TTBK2: variants seen among roughly 807,000 people sequenced by gnomAD.
The protein encoded by TTBK2 is tau tubulin kinase 2.
In TTBK2, 28 loss-of-function variants were observed where a neutral mutation model predicts 110.8. The ratio of observed to expected loss-of-function variants is 0.25; its 90% CI spans 0.19 to 0.35. The LOEUF (loss-of-function observed/expected upper bound fraction) is 0.35. Among genes scored for constraint, TTBK2 ranks in the 10% least tolerant of loss-of-function variants. The probability of loss-of-function intolerance (pLI) is 1.00; values close to 1 mark genes in which losing one functional copy is unlikely to be tolerated. For missense variants in TTBK2, 1,369 were observed against 1,500.3 expected, an observed-to-expected ratio of 0.91 and a Z score of 1.45; for synonymous variants, 532 against 527.3, an observed-to-expected ratio of 1.01 and a Z score of -0.12.
chr15:42,765,815 G>T (rs777801565), intron 13 of TTBK2, among the ~76,000 whole-genome samples: 6 of 152,120 alleles, frequency 3.9e-5, no homozygotes, highest in Non-Finnish European at 7.3e-5. Flanking sequence ...ACACAAAATT[G>T]TCAGATTCAC....
chr15:42,884,096 A>C (rs1895153657), intron 1 of TTBK2, among the ~76,000 whole-genome samples: 1 of 152,170 alleles, frequency 6.6e-6, no homozygotes, highest in East Asian at 1.9e-4. Flanking sequence ...CCTTAAAAAG[A>C]CCATCAAAAC....
chr15:42,829,663 T>C (rs1201114912), intron 5 of TTBK2, among the ~76,000 whole-genome samples: 2 of 152,184 alleles, frequency 1.3e-5, no homozygotes, highest in Non-Finnish European at 2.9e-5. Flanking sequence ...GCCTCCTGAG[T>C]AGCTGGGACT....
At chr15:42,801,207 T>G (rs1171149118) in intron 9 of TTBK2, 1 of 1,472,486 alleles carries the variant, frequency 6.8e-7, no homozygotes, top group Non-Finnish European at 9.3e-7. Context: ...CATCCCAGAC[T>G]CCAGCCAGCT....
chr15:42,745,886 C>T lies in TTBK2; in HGVS notation c.3644G>A (p.Gly1215Asp). 1 of 1,614,074 alleles carries T rather than the reference C, an allele frequency of 6.2e-7. No individual in the cohort carries two copies. Among genetic ancestry groups the T allele is most frequent in the Non-Finnish European group, 8.5e-7 (1 of 1,180,026 alleles). Reference protein sequence around the residue: ...QQEHCKPSKNGLKGSGSLHHH... With the variant: ...QQEHCKPSKNDLKGSGSLHHH... The stretch of plus-strand genomic sequence containing the variant: ...GTGGAGGCTGCCGGATCCTTTCAGG[C>T]CATTCTTGCTGGGTTTGCAATGCTC... Residue 1215 changes from glycine to aspartate, a missense_variant, in exon 15 of 15, where the codon GGC becomes GAC. Gly to Asp is a moderately conservative substitution (Grantham distance 94). Coordinates refer to ENST00000267890, the MANE Select transcript of TTBK2 (RefSeq NM_173500.4).
At chr15:42,847,048 T>A (rs1457896811) in intron 3 of TTBK2, among the ~76,000 whole-genome samples, 1 of 152,138 alleles carries the variant, frequency 6.6e-6, no homozygotes, top group Non-Finnish European at 1.5e-5. Flanking sequence ...TTCCCTGAGT[T>A]CTGTGAGCCA....
intron 2 of TTBK2, among the ~76,000 whole-genome samples, chr15:42,873,785 A>T (rs963128979): frequency 2.0e-5 from 3 of 152,174 alleles, no homozygotes; most frequent in Middle Eastern, 3.4e-3. Flanking sequence ...AGATACAGCA[A>T]TTTTTTTCCA....
At chr15:42,794,104 G>GAAAAAAAAAAAAAAA (rs34009486) in intron 10 of TTBK2, among the ~76,000 whole-genome samples, 1 of 87,218 alleles carries the variant, frequency 1.1e-5, no homozygotes, top group Non-Finnish European at 2.4e-5. Flanking sequence ...TAAAAAATTA[G>GAAAAAAAAAAAAAAA]AAAAAAAAAA....
At chr15:42,892,728 A>C (rs927539071) in intron 1 of TTBK2, among the ~76,000 whole-genome samples, 1 of 129,320 alleles carries the variant, frequency 7.7e-6, no homozygotes, top group African/African-American at 3.0e-5. Context: ...AAAAAAAAAA[A>C]GCCGGGCACG....
At chr15:42,797,788 G>A (rs1458358103) in intron 9 of TTBK2, among the ~76,000 whole-genome samples, 3 of 152,088 alleles carry the variant, frequency 2.0e-5, no homozygotes, top group Non-Finnish European at 4.4e-5. Context: ...TACAGTATAT[G>A]TAGTGTGTGA....
chr15:42,825,976 T>G (rs1343974273), intron 6 of TTBK2, among the ~76,000 whole-genome samples: 1 of 152,124 alleles, frequency 6.6e-6, no homozygotes, highest in Non-Finnish European at 1.5e-5. Context: ...TGTTTTGTTA[T>G]TCTTCCTTAA....
chr15:42,845,002 G>A (rs142882081), intron 3 of TTBK2, among the ~76,000 whole-genome samples: 176 of 152,236 alleles, frequency 1.2e-3, no homozygotes, highest in African/African-American at 4.0e-3. Context: ...AAGTAATACA[G>A]TATGAGTTCT....
At chr15:42,817,234 C>A in intron 6 of TTBK2, 137 bp from the exon 7 acceptor site, 3 of 453,460 alleles carry the variant, frequency 6.6e-6, no homozygotes, top group Non-Finnish European at 1.1e-5. Flanking sequence ...TAACTTTTAA[C>A]TATGAAATTA....
At position 42,794,547 on chromosome 15, in the gene TTBK2, T is replaced by TA. The variant is rs1437397733; in HGVS notation, c.980+96dup. Reference sequence around the variant, plus strand: ...GATCCACAGGCTTTCCCGGATGTCTTAGCATTTGGTCATCTGAGGGAATCT... The same window carrying TA: ...GATCCACAGGCTTTCCCGGATGTCTTAAGCATTTGGTCATCTGAGGGAATCT... On this transcript the variant is annotated intron_variant, in intron 10 of 14. Transcript: ENST00000267890. 5 of 1,539,930 alleles carry TA rather than the reference T, an allele frequency of 3.2e-6. No homozygotes were observed. In the African/African-American group the frequency reaches 6.8e-5, roughly 21 times the overall value.
chr15:42,867,518 T>C (rs1438561182), intron 3 of TTBK2, among the ~76,000 whole-genome samples: 1 of 152,118 alleles, frequency 6.6e-6, no homozygotes, highest in African/African-American at 2.4e-5. Flanking sequence ...GATTTTAAAA[T>C]GGGCCAAAAA....
chr15:42,810,836 A>G, intron 8 of TTBK2, 97 bp from the exon 9 acceptor site: 2 of 1,381,284 alleles, frequency 1.4e-6, no homozygotes, highest in Non-Finnish European at 2.0e-6. Flanking sequence ...GTACTAGGGA[A>G]TGAGATAGTG....
chr15:42,874,802 A>G (rs1162285475), intron 2 of TTBK2, among the ~76,000 whole-genome samples: 1 of 151,286 alleles, frequency 6.6e-6, no homozygotes, highest in African/African-American at 2.4e-5. Context: ...CCTGACCAAC[A>G]TCGTGAAAGC....
chr15:42,880,930 A>C (rs773807699), intron 1 of TTBK2, among the ~76,000 whole-genome samples: 3 of 152,154 alleles, frequency 2.0e-5, no homozygotes, highest in Non-Finnish European at 4.4e-5. Flanking sequence ...ATTAAAAAAA[A>C]AATAAAATAA....
chr15:42,879,873 C>A (rs556688342), intron 1 of TTBK2, among the ~76,000 whole-genome samples: 55 of 151,588 alleles, frequency 3.6e-4, no homozygotes, highest in Middle Eastern at 3.4e-3. Flanking sequence ...TGCATGTACT[C>A]GTAATCCCAG....
chr15:42,818,415 G>GTC (rs1892131904), intron 6 of TTBK2, among the ~76,000 whole-genome samples: 1 of 152,140 alleles, frequency 6.6e-6, no homozygotes, highest in Admixed American at 6.6e-5. Flanking sequence ...ATTAACTAAG[G>GTC]TCTTTCAACA....
Sources: gnomAD v4.1 joint callset for allele counts (sites outside exome capture counted in the v4.1 genomes callset) on GRCh38, gnomAD v4.1.1 for gene constraint, MANE v1.5 for transcripts, NCBI Gene and HGNC (gene_info 2026-07-23, HGNC 2026-07-21) for gene names.